Variants in COL14A1 observed in about 807,000 individuals in gnomAD.
The protein encoded by COL14A1 is collagen type XIV alpha 1 chain.
Under a neutral mutation model 230.3 loss-of-function variants are expected in COL14A1, and 136 were observed. The observed-to-expected ratio is 0.59, with a 90% confidence interval of 0.51 to 0.68. The LOEUF is 0.68. Among genes scored for constraint, COL14A1 ranks in the 30% least tolerant of loss-of-function variants. The pLI, the probability that COL14A1 is intolerant of heterozygous loss-of-function variation, is 0.00. For synonymous variants in COL14A1, 792 were observed against 784.1 expected, an observed-to-expected ratio of 1.01 and a Z score of -0.17; for missense variants, 1,976 against 2,215.8, an observed-to-expected ratio of 0.89 and a Z score of 2.17.
intron 22 of COL14A1, among the ~76,000 whole-genome samples, chr8:120,252,411 A>G (rs138351781): frequency 5.9e-5 from 9 of 152,364 alleles, no homozygotes; most frequent in African/African-American, 2.2e-4. Flanking sequence ...ATTTTAAAAT[A>G]CACATTAAAG....
chr8:120,322,032 G>A (rs1313917428), intron 40 of COL14A1, among the ~76,000 whole-genome samples: 1 of 151,824 alleles, frequency 6.6e-6, no homozygotes, highest in Non-Finnish European at 1.5e-5. Context: ...TTAATTCACT[G>A]AAGTCATCAC....
chr8:120,280,844 A>G (rs1820012445), intron 30 of COL14A1, 77 bp from the exon 31 acceptor site: 3 of 1,480,416 alleles, frequency 2.0e-6, no homozygotes, highest in Admixed American at 4.5e-5. Flanking sequence ...TCCTTAATAG[A>G]AAAATATTAA....
chr8:120,365,770 C>T (rs1052149497), intron 45 of COL14A1, among the ~76,000 whole-genome samples: 2 of 152,194 alleles, frequency 1.3e-5, no homozygotes, highest in Non-Finnish European at 2.9e-5. Context: ...GGTTTGTGCC[C>T]TGGGCTGTCA....
At chr8:120,259,720 T>A (rs967013640) in intron 23 of COL14A1, among the ~76,000 whole-genome samples, 5 of 152,158 alleles carry the variant, frequency 3.3e-5, no homozygotes, top group Admixed American at 3.3e-4. Flanking sequence ...CTACATGAAA[T>A]AGGAAATGTG....
At chr8:120,331,423 A>T (rs1353839194) in intron 40 of COL14A1, among the ~76,000 whole-genome samples, 7 of 152,236 alleles carry the variant, frequency 4.6e-5, no homozygotes, top group Admixed American at 4.6e-4. Context: ...ATTCACAATT[A>T]AGAGCTATAA....
chr8:120,253,077 C>G (rs931156234), intron 22 of COL14A1, among the ~76,000 whole-genome samples: 11 of 152,184 alleles, frequency 7.2e-5, no homozygotes, highest in African/African-American at 2.4e-4. Context: ...CCAAGTATTT[C>G]CTCTGTTTTG....
At chr8:120,170,951 CATT>C (rs747219234) in intron 5 of COL14A1, among the ~76,000 whole-genome samples, 4 of 151,922 alleles carry the variant, frequency 2.6e-5, no homozygotes, top group Non-Finnish European at 5.9e-5. Flanking sequence ...CTCTTACAGT[CATT>C]GTGTTTTACT....
chr8:120,355,181 G>A (rs1184355926), intron 45 of COL14A1, among the ~76,000 whole-genome samples: 1 of 152,094 alleles, frequency 6.6e-6, no homozygotes, highest in Non-Finnish European at 1.5e-5. Context: ...TTCCAAACCA[G>A]ATTTCCTCAA....
At chr8:120,163,905 G>A (rs982605822) in intron 4 of COL14A1, among the ~76,000 whole-genome samples, 1 of 151,938 alleles carries the variant, frequency 6.6e-6, no homozygotes, top group Non-Finnish European at 1.5e-5. Context: ...TGTTTTCTAG[G>A]CACTTGGGCA....
In COL14A1 at chr8:120,264,722, A is replaced by C. The variant is rs184786713; in HGVS notation, c.3016+1708A>C. Among the ~76,000 whole-genome samples the C allele has an allele frequency of 6.6e-5, 10 of 152,260 alleles. No homozygotes were observed. In the East Asian group the frequency reaches 1.9e-3, roughly 29 times the overall value. The stretch of plus-strand genomic sequence containing the variant: ...GTCAGAATATCTTGCAGCACTAAGT[A>C]TCTATCTTCATGGTGCCAATCTGCT... On this transcript the variant is annotated intron_variant, in intron 24 of 47. Transcript: ENST00000297848.
chr8:120,255,429 ACACACAAGT>A, intron 23 of COL14A1, 73 bp downstream of exon 23: 1 of 1,121,806 alleles, frequency 8.9e-7, no homozygotes, highest in Non-Finnish European at 1.4e-6. Context: ...ACTGTGTACA[ACACACAAGT>A]AGCATTAGAC....
chr8:120,207,211 A>T, intron 10 of COL14A1, 117 bp downstream of exon 10: 4 of 935,978 alleles, frequency 4.3e-6, no homozygotes, highest in Non-Finnish European at 6.1e-6. Context: ...ATTTTAAAGA[A>T]TTTGACTGAA....
rs529850482 is a variant in COL14A1 at position 120,153,065 on chromosome 8, T to TA, written c.89-5056dup. Among the ~76,000 whole-genome samples, 71 of 128,518 alleles carry TA rather than the reference T, an allele frequency of 5.5e-4. 1 individual carries two copies. In the South Asian group the frequency reaches 0.013, roughly 23 times the overall value. 84.3% of individuals were successfully genotyped at this position (128,518 alleles called of 152,430 possible). On this transcript the variant is annotated intron_variant, in intron 2 of 47. Transcript: ENST00000297848. ...CAACATATGAGGTTCTAAACCACAT[T>TA]AAAAAAAAATCCCTGTAGCATATCC...
At chr8:120,200,665 A>G (rs1349664277) in intron 8 of COL14A1, among the ~76,000 whole-genome samples, 1 of 144,218 alleles carries the variant, frequency 6.9e-6, no homozygotes, top group African/African-American at 2.5e-5. Flanking sequence ...TCCTCTAGGT[A>G]TACTGTAAGT....
In COL14A1 at chr8:120,296,523, A is replaced by G. The variant is rs556460264; in HGVS notation, c.4237-988A>G. The stretch of plus-strand genomic sequence containing the variant: ...TTTGGGAGAAAATAAGGAAGGCACC[A>G]AGAGTTTCCAGTCTTTGCTGAAAAC... On this transcript the variant is annotated intron_variant, in intron 34 of 47. Coordinates refer to ENST00000297848, the MANE Select transcript of COL14A1 (RefSeq NM_021110.4). Among the ~76,000 whole-genome samples the G allele has an allele frequency of 2.0e-5, 3 of 152,136 alleles. No homozygotes were observed. The East Asian group carries it at 5.8e-4, about 29-fold the overall frequency.
At chr8:120,184,865 C>T (rs1256388843) in intron 5 of COL14A1, among the ~76,000 whole-genome samples, 1 of 152,138 alleles carries the variant, frequency 6.6e-6, no homozygotes, top group Admixed American at 6.6e-5. Flanking sequence ...GAGGCCCATC[C>T]ACATTAGGGA....
chr8:120,143,101 T>C (rs1471340859), intron 1 of COL14A1, among the ~76,000 whole-genome samples: 2 of 152,176 alleles, frequency 1.3e-5, no homozygotes, highest in South Asian at 2.1e-4. Flanking sequence ...GTAGGAGTTA[T>C]AGAACCCAAC....
At chr8:120,163,958 C>G (rs908834189) in intron 4 of COL14A1, among the ~76,000 whole-genome samples, 1 of 151,944 alleles carries the variant, frequency 6.6e-6, no homozygotes, top group African/African-American at 2.4e-5. Flanking sequence ...GTCTAGTGAC[C>G]AGAGACTACA....
At chr8:120,227,611 T>C (rs1173641008) in intron 17 of COL14A1, among the ~76,000 whole-genome samples, 1 of 152,206 alleles carries the variant, frequency 6.6e-6, no homozygotes, top group Non-Finnish European at 1.5e-5. Flanking sequence ...AGCACAGTAC[T>C]TGGCACATGT....
Sources: gnomAD v4.1 joint callset for allele counts (sites outside exome capture counted in the v4.1 genomes callset) on GRCh38, gnomAD v4.1.1 for gene constraint, MANE v1.5 for transcripts, NCBI Gene and HGNC (gene_info 2026-07-23, HGNC 2026-07-21) for gene names.